The following C10orf90 variants were observed in gnomAD, a reference collection of about 807,000 sequenced individuals.
The protein encoded by C10orf90 is (E2-independent) E3 ubiquitin-conjugating enzyme FATS.
C10orf90 carries 56 observed loss-of-function variants against 62.5 expected under a neutral mutation model. That is an observed-to-expected ratio of 0.90 (90% CI 0.72 to 1.12). C10orf90 has a LOEUF of 1.12. Among genes scored for constraint, C10orf90 ranks in the 50% most tolerant of loss-of-function variants. The pLI is 0.00. For missense variants in C10orf90, 970 were observed against 880.4 expected, an observed-to-expected ratio of 1.10 and a Z score of -1.29; for synonymous variants, 386 against 340.4, an observed-to-expected ratio of 1.13 and a Z score of -1.47.
chr10:126,583,060 A>G (rs1033655732), intron 2 of C10orf90, among the ~76,000 whole-genome samples: 1 of 152,096 alleles, frequency 6.6e-6, no homozygotes, highest in Non-Finnish European at 1.5e-5. Context: ...CCTAACCTCT[A>G]CTCGCGGGAC....
rs1859774255 is a variant in C10orf90, at chr10:126,459,067, G to T, written c.2161C>A (p.Gln721Lys). The T allele has an allele frequency of 6.2e-7, 1 of 1,613,340 alleles. No homozygotes were observed. The highest frequency in any genetic ancestry group is 8.5e-7 in the Non-Finnish European group (1 of 1,180,014). Residue 721 changes from glutamine (Q) to lysine (K), a missense_variant, in exon 7 of 10, where the codon CAG (glutamine) becomes AAG (lysine). By Grantham distance (53) the Gln-to-Lys change is moderately conservative. Coordinates refer to ENST00000488181, the MANE Select transcript of C10orf90 (RefSeq NM_001350921.2). ...SLLPIRTSKK[Q>K]FTIPHPLSDN... is the part of the protein sequence containing the mutation. Reference sequence around the variant, plus strand: ...CTCAGAGGATGGGGAATCGTGAACTGCTTCTTGCTGGTGCGGATGGGAAGG... The same window carrying T: ...CTCAGAGGATGGGGAATCGTGAACTTCTTCTTGCTGGTGCGGATGGGAAGG...
intron 1 of C10orf90, among the ~76,000 whole-genome samples, chr10:126,655,649 C>T (rs953649332): frequency 5.3e-5 from 8 of 152,188 alleles, no homozygotes; most frequent in East Asian, 1.9e-4. Flanking sequence ...TGTTTACCAC[C>T]GCTTCCTACT....
intron 2 of C10orf90, among the ~76,000 whole-genome samples, chr10:126,555,775 G>A (rs1864755993): frequency 6.6e-6 from 1 of 152,076 alleles, no homozygotes; most frequent in African/African-American, 2.4e-5. Context: ...TTGGGTCAAT[G>A]CGAGTGGAGT....
At chr10:126,469,892 T>C (rs1860478455) in intron 4 of C10orf90, 1 of 456,642 alleles carries the variant, frequency 2.2e-6, no homozygotes. Flanking sequence ...CTTTGCTGTC[T>C]CCTTTTGGCA....
At chr10:126,514,073 C>G (rs538629990) in intron 2 of C10orf90, 134 bp from the exon 3 acceptor site, 8 of 635,330 alleles carry the variant, frequency 1.3e-5, no homozygotes, top group South Asian at 1.3e-4. Context: ...GATAGTCTAA[C>G]CATGACAAAA....
chr10:126,515,330 A>G (rs1214364982), intron 2 of C10orf90, among the ~76,000 whole-genome samples: 1 of 152,012 alleles, frequency 6.6e-6, no homozygotes, highest in African/African-American at 2.4e-5. Flanking sequence ...CTCACCACTC[A>G]CTCACTCATC....
chr10:126,655,839 C>CAAA (rs56164675), intron 1 of C10orf90, among the ~76,000 whole-genome samples: 5 of 139,812 alleles, frequency 3.6e-5, no homozygotes, highest in African/African-American at 5.3e-5. Context: ...CAAAACAAAA[C>CAAA]AAAAAAAAAA....
Position 126,541,687 on chromosome 10 carries a change from A to G in C10orf90, c.314-27748T>C, listed in dbSNP as rs548161004. On this transcript the variant is annotated intron_variant, in intron 2 of 9. Coordinates refer to ENST00000488181, the MANE Select transcript of C10orf90 (RefSeq NM_001350921.2). ...ACTAAAATGGCTATAATTAAAACAA[A>G]ACAGAAAATAACAAGTGTTGGTGAG... is the stretch of plus-strand genomic sequence containing the variant. Among the ~76,000 whole-genome samples, 143 of 152,338 alleles carry G rather than the reference A, an allele frequency of 9.4e-4. 2 individuals carry two copies. In the Middle Eastern group the frequency reaches 0.01, roughly 11 times the overall value.
intron 4 of C10orf90, among the ~76,000 whole-genome samples, chr10:126,478,528 A>G (rs1861011105): frequency 6.6e-6 from 1 of 152,240 alleles, no homozygotes; most frequent in Non-Finnish European, 1.5e-5. Context: ...GAAAAAATAT[A>G]TACACACAAG....
intron 8 of C10orf90, among the ~76,000 whole-genome samples, chr10:126,429,031 C>CT (rs1857419849): frequency 6.6e-6 from 1 of 152,120 alleles, no homozygotes; most frequent in Non-Finnish European, 1.5e-5. Flanking sequence ...TCAATGGTTT[C>CT]TTTAAGTGCG....
At chr10:126,463,217 C>A (rs1860099094) in intron 5 of C10orf90, 1 of 152,638 alleles carries the variant, frequency 6.6e-6, no homozygotes, top group Non-Finnish European at 1.5e-5. Flanking sequence ...AACCAGAAAC[C>A]CAAGGGCCAA....
intron 1 of C10orf90, among the ~76,000 whole-genome samples, chr10:126,653,563 TACA>T (rs1490629377): frequency 5.9e-5 from 9 of 152,366 alleles, no homozygotes; most frequent in Admixed American, 5.2e-4. Flanking sequence ...TTGCTATTTC[TACA>T]ACATCTTTAG....
At position 126,670,245 on chromosome 10, in the gene C10orf90, T is replaced by C. The variant is rs1024688664; in HGVS notation, c.236A>G (p.Tyr79Cys). The C allele has an allele frequency of 3.3e-5, 15 of 456,586 alleles. No homozygotes were observed. The highest frequency in any genetic ancestry group is 3.2e-4 in the Middle Eastern group (1 of 3,098). 28.3% of individuals were successfully genotyped at this position (456,586 alleles called of 1,614,324 possible). A position where few individuals can be genotyped will look rare whatever the true frequency, so the allele number is the denominator to read the frequency against. Residue 79 changes from tyrosine (Y) to cysteine (C), a missense_variant, in exon 1 of 10, where the codon TAT becomes TGT. By Grantham distance (194) the Tyr-to-Cys change is radical. Coordinates refer to ENST00000488181, the MANE Select transcript of C10orf90 (RefSeq NM_001350921.2). ...CCCACCCAGGCTCAGCCATACCTCA[T>C]ATCTGCTGGCTGTCTGCTCAGCCGT... ...LKTAEQTASR[Y>C]EIHSRLFSSP...
At chr10:126,608,577 TA>T (rs1470046403) in intron 2 of C10orf90, among the ~76,000 whole-genome samples, 1 of 152,216 alleles carries the variant, frequency 6.6e-6, no homozygotes, top group Non-Finnish European at 1.5e-5. Context: ...GCTATTAAAC[TA>T]TTTCTCCTTT....
chr10:126,521,023 A>G (rs1402419238), intron 2 of C10orf90, among the ~76,000 whole-genome samples: 2 of 152,212 alleles, frequency 1.3e-5, no homozygotes, highest in Admixed American at 6.5e-5. Flanking sequence ...ATCAGGGGTT[A>G]GGCCTGGAAC....
At chr10:126,469,709 C>T (rs781435335) in intron 4 of C10orf90, 15 of 364,522 alleles carry the variant, frequency 4.1e-5, no homozygotes, top group Non-Finnish European at 6.5e-5. Context: ...GCAAAGCTCT[C>T]GGGTCTGCAT....
intron 4 of C10orf90, among the ~76,000 whole-genome samples, chr10:126,494,638 C>T (rs1316493609): frequency 6.6e-6 from 1 of 152,206 alleles, no homozygotes; most frequent in Non-Finnish European, 1.5e-5. Context: ...CAAGAGACCG[C>T]CATGATGCGG....
chr10:126,531,255 T>C (rs890430960), intron 2 of C10orf90, among the ~76,000 whole-genome samples: 2 of 151,774 alleles, frequency 1.3e-5, no homozygotes, highest in African/African-American at 4.8e-5. Context: ...TCAGCTGGGG[T>C]TGATTTTGCT....
At chr10:126,664,319 C>T (rs1282818860) in intron 1 of C10orf90, among the ~76,000 whole-genome samples, 2 of 152,170 alleles carry the variant, frequency 1.3e-5, no homozygotes, top group South Asian at 2.1e-4. Flanking sequence ...AATTCGCCTG[C>T]ACCCAGGGGC....
Sources: gnomAD v4.1 joint callset for allele counts (sites outside exome capture counted in the v4.1 genomes callset) on GRCh38, gnomAD v4.1.1 for gene constraint, MANE v1.5 for transcripts, NCBI Gene and HGNC (gene_info 2026-07-23, HGNC 2026-07-21) for gene names.